Variants in DOCK3 observed in about 807,000 individuals in gnomAD.
DOCK3 encodes the protein dedicator of cytokinesis protein 3.
Under a neutral mutation model 265.6 loss-of-function variants are expected in DOCK3, and 60 were observed. That is an observed-to-expected ratio of 0.23 (90% confidence interval 0.18 to 0.28). DOCK3 has a LOEUF of 0.28. Among genes scored for constraint, DOCK3 ranks in the 10% least tolerant of loss-of-function variants. The pLI is 1.00. For synonymous variants in DOCK3, 881 were observed against 938.0 expected (o/e 0.94, Z 1.11); for missense variants, 1,981 against 2,594.3 (o/e 0.76, Z 5.14).
At chr3:50,690,119 A>G (rs2035107899) in intron 1 of DOCK3, among the ~76,000 whole-genome samples, 1 of 151,276 alleles carries the variant, frequency 6.6e-6, no homozygotes, top group Admixed American at 6.6e-5. Flanking sequence ...CGTAACATAA[A>G]ATTTGCTATT....
At position 51,201,866 on chromosome 3, in the gene DOCK3, A is replaced by T. The variant is rs1328028691; in HGVS notation, c.1038-6908A>T. On this transcript the variant is annotated intron_variant, in intron 12 of 52. Coordinates refer to ENST00000266037, the MANE Select transcript of DOCK3 (RefSeq NM_004947.5). ...TCAAACTAGAACTCAGGATTAAGAA[A>T]CTCACTCAAAACTGCTCAACTACAT... is the stretch of plus-strand genomic sequence containing the variant. Among the ~76,000 whole-genome samples the T allele has an allele frequency of 3.9e-5, 6 of 152,260 alleles. No homozygotes were observed. The East Asian group carries it at 5.8e-4, about 15-fold the overall frequency.
chr3:51,199,510 T>C (rs566543438), intron 12 of DOCK3, among the ~76,000 whole-genome samples: 3 of 152,334 alleles, frequency 2.0e-5, no homozygotes, highest in African/African-American at 7.2e-5. Flanking sequence ...TTGCCCAGGC[T>C]TGTGTAAGTA....
intron 9 of DOCK3, among the ~76,000 whole-genome samples, chr3:51,118,425 G>A (rs4586852): frequency 0.83 from 126,793 of 152,142 alleles, 53,316 homozygotes; most frequent in East Asian, 0.95. Context: ...TGAGAAGAAT[G>A]TATATTCTGT....
chr3:50,895,316 GTGC>G (rs979093051), intron 4 of DOCK3, among the ~76,000 whole-genome samples: 6 of 148,998 alleles, frequency 4.0e-5, no homozygotes, highest in African/African-American at 1.5e-4. Flanking sequence ...AGGTAAACGT[GTGC>G]CATGGTGGTT....
intron 5 of DOCK3, among the ~76,000 whole-genome samples, chr3:50,959,683 C>T (rs1312531479): frequency 6.6e-6 from 1 of 151,938 alleles, no homozygotes; most frequent in Non-Finnish European, 1.5e-5. Flanking sequence ...GGGTTCACGC[C>T]ATTCTCCTGC....
chr3:51,153,175 C>T (rs557366464), intron 10 of DOCK3, among the ~76,000 whole-genome samples: 12 of 152,310 alleles, frequency 7.9e-5, no homozygotes, highest in African/African-American at 2.2e-4. Flanking sequence ...CTTCCCCAGC[C>T]GCTTTGTTTA....
intron 40 of DOCK3, among the ~76,000 whole-genome samples, chr3:51,352,761 C>T (rs1259734223): frequency 6.6e-6 from 1 of 152,188 alleles, no homozygotes; most frequent in African/African-American, 2.4e-5. Context: ...CTTTGCCTTG[C>T]CCATGGTGGG....
intron 12 of DOCK3, among the ~76,000 whole-genome samples, chr3:51,203,513 G>T (rs2088958151): frequency 6.6e-6 from 1 of 152,222 alleles, no homozygotes; most frequent in Admixed American, 6.5e-5. Context: ...TGAAATTAAA[G>T]AGGATACAAA....
chr3:51,212,221 G>A (rs141317568), intron 13 of DOCK3, among the ~76,000 whole-genome samples: 80 of 152,228 alleles, frequency 5.3e-4, no homozygotes, highest in African/African-American at 1.8e-3. Context: ...TCTCTTATTT[G>A]TTATGTTTAG....
At chr3:51,124,494 C>T (rs2106805017) in intron 9 of DOCK3, among the ~76,000 whole-genome samples, 1 of 152,200 alleles carries the variant, frequency 6.6e-6, no homozygotes, top group South Asian at 2.1e-4. Context: ...GCTGAATGAT[C>T]TGGTAAGCTG....
At chr3:51,106,266 G>T (rs1438792618) in intron 9 of DOCK3, among the ~76,000 whole-genome samples, 1 of 152,212 alleles carries the variant, frequency 6.6e-6, no homozygotes, top group East Asian at 1.9e-4. Context: ...CTGCATCAGT[G>T]CAGCCCTCAG....
At chr3:51,308,843 C>T (rs1253570575) in intron 27 of DOCK3, among the ~76,000 whole-genome samples, 6 of 149,822 alleles carry the variant, frequency 4.0e-5, no homozygotes, top group East Asian at 2.0e-4. Context: ...GGCTGCCGGG[C>T]GGAGGGGCTC....
intron 19 of DOCK3, among the ~76,000 whole-genome samples, chr3:51,232,500 A>G (rs561359429): frequency 6.6e-6 from 1 of 152,292 alleles, no homozygotes; most frequent in South Asian, 2.1e-4. Context: ...CAGCAGTATA[A>G]AAGTATTCCC....
Position 51,159,309 on chromosome 3 carries a change from T to C in DOCK3, c.889+5T>C, listed in dbSNP as rs2086014361. 1 of 1,611,068 alleles carries C rather than the reference T, an allele frequency of 6.2e-7. No homozygotes were observed. The highest frequency in any genetic ancestry group is 8.5e-7 in the Non-Finnish European group (1 of 1,177,994). On this transcript the variant is annotated splice_donor_5th_base_variant and intron_variant, in intron 11 of 52. Coordinates refer to ENST00000266037, the MANE Select transcript of DOCK3 (RefSeq NM_004947.5). ...TTGCCCATGTGATCCGAATAGGTACTGTTCACCTTACCCATTCACATGACT... is the reference window on the plus strand; with the variant it reads ...TTGCCCATGTGATCCGAATAGGTACCGTTCACCTTACCCATTCACATGACT...
chr3:51,139,097 T>C (rs1227779063), intron 9 of DOCK3, among the ~76,000 whole-genome samples: 1 of 152,128 alleles, frequency 6.6e-6, no homozygotes, highest in Non-Finnish European at 1.5e-5. Context: ...ACCAAGGTTG[T>C]ACTAGGGGTC....
intron 1 of DOCK3, among the ~76,000 whole-genome samples, chr3:50,726,436 A>G (rs1372959064): frequency 6.6e-6 from 1 of 152,090 alleles, no homozygotes. Context: ...CCAGGGCTAG[A>G]CCTATACTGA....
chr3:50,978,150 A>T (rs1575662997), intron 5 of DOCK3, among the ~76,000 whole-genome samples: 1 of 151,410 alleles, frequency 6.6e-6, no homozygotes, highest in Non-Finnish European at 1.5e-5. Flanking sequence ...AGCTCGTCAA[A>T]GTCATTCTCC....
At chr3:51,012,267 C>A (rs1235262177) in intron 5 of DOCK3, among the ~76,000 whole-genome samples, 1 of 152,190 alleles carries the variant, frequency 6.6e-6, no homozygotes, top group African/African-American at 2.4e-5. Context: ...CAGAGGCAGG[C>A]AGGCCTCCTT....
chr3:50,725,748 T>C (rs2037781931), intron 1 of DOCK3, among the ~76,000 whole-genome samples: 1 of 152,174 alleles, frequency 6.6e-6, no homozygotes, highest in Admixed American at 6.5e-5. Context: ...TCTCAAATAA[T>C]TGTGGTTGTA....
Sources: gnomAD v4.1 joint callset for allele counts (sites outside exome capture counted in the v4.1 genomes callset) on GRCh38, gnomAD v4.1.1 for gene constraint, MANE v1.5 for transcripts, NCBI Gene and HGNC (gene_info 2026-07-23, HGNC 2026-07-21) for gene names.